The following DPP6 variants were observed in gnomAD, a reference collection of about 807,000 sequenced individuals.
The protein encoded by DPP6 is dipeptidyl peptidase like 6.
A neutral mutation model predicts 122.6 loss-of-function variants in DPP6; 69 were observed. That is an observed-to-expected ratio of 0.56 (90% CI 0.46 to 0.69). The LOEUF is 0.69. Among genes scored for constraint, DPP6 ranks in the 30% least tolerant of loss-of-function variants. DPP6 has a pLI of 0.00. For synonymous variants in DPP6, 418 were observed against 433.1 expected (o/e 0.97, Z 0.43); for missense variants, 928 against 1,116.9 (o/e 0.83, Z 2.41).
intron 1 of DPP6, among the ~76,000 whole-genome samples, chr7:154,047,165 A>G (rs1040610420): frequency 6.6e-6 from 1 of 151,300 alleles, no homozygotes; most frequent in Admixed American, 6.6e-5. Flanking sequence ...AGTCAGTTCT[A>G]AGGCTGACCA....
chr7:154,187,734 C>T (rs532363915), intron 1 of DPP6, among the ~76,000 whole-genome samples: 1 of 152,182 alleles, frequency 6.6e-6, no homozygotes, highest in African/African-American at 2.4e-5. Context: ...ACTTCTCCTC[C>T]CTAAGCTTCA....
rs35197365 is a variant in DPP6, at chr7:154,550,748, C to CT, written c.552+10141dup. 7.2e-3 allele frequency among the ~76,000 whole-genome samples: 917 copies of CT among 126,806 alleles called. 5 individuals carry two copies. Among genetic ancestry groups the CT allele is most frequent in the African/African-American group, 0.017 (578 of 34,852 alleles). 83.2% of individuals were successfully genotyped at this position (126,806 alleles called of 152,430 possible). A position where few individuals can be genotyped will look rare whatever the true frequency, so the allele number is the denominator to read the frequency against. On this transcript the variant is annotated intron_variant, in intron 4 of 25. Transcript: ENST00000377770. The stretch of plus-strand genomic sequence containing the variant: ...CAGCTTTCATTTTAGAATTTTAGTT[C>CT]TTTTTTTTTTTTTTTTTTTGAGACG...
intron 3 of DPP6, among the ~76,000 whole-genome samples, chr7:154,480,309 A>T (rs1260026386): frequency 1.3e-5 from 2 of 151,634 alleles, no homozygotes; most frequent in Non-Finnish European, 2.9e-5. Flanking sequence ...ATCTCCAGGT[A>T]CTCTTCTTCC....
chr7:154,802,204 A>T (rs533504096), intron 13 of DPP6, among the ~76,000 whole-genome samples: 204 of 152,142 alleles, frequency 1.3e-3, no homozygotes, highest in Non-Finnish European at 2.6e-3. Context: ...TAAATGAATG[A>T]AATTTGATTA....
chr7:154,693,804 T>A (rs1840064422), intron 7 of DPP6, among the ~76,000 whole-genome samples: 1 of 152,162 alleles, frequency 6.6e-6, no homozygotes, highest in Non-Finnish European at 1.5e-5. Flanking sequence ...CCTGCCATAG[T>A]CATGTGGCTC....
intron 1 of DPP6, among the ~76,000 whole-genome samples, chr7:154,169,332 G>A (rs1158219561): frequency 2.0e-5 from 3 of 152,126 alleles, no homozygotes; most frequent in Non-Finnish European, 4.4e-5. Context: ...GGTGGTGGGC[G>A]GGGTGGGGTC....
At chr7:154,152,950 G>A (rs1796496872) in intron 1 of DPP6, among the ~76,000 whole-genome samples, 1 of 152,202 alleles carries the variant, frequency 6.6e-6, no homozygotes, top group African/African-American at 2.4e-5. Context: ...TTCTTTACCT[G>A]ACAGTCCCAT....
chr7:154,341,761 A>G (rs1325285915), intron 1 of DPP6, among the ~76,000 whole-genome samples: 2 of 151,832 alleles, frequency 1.3e-5, no homozygotes, highest in Non-Finnish European at 2.9e-5. Context: ...ACCCATTTTT[A>G]TGTTCCAGGT....
At chr7:154,535,622 T>TA (rs1828185022) in intron 3 of DPP6, among the ~76,000 whole-genome samples, 2 of 151,116 alleles carry the variant, frequency 1.3e-5, no homozygotes, top group African/African-American at 4.9e-5. Context: ...TAAAGAATTT[T>TA]AAAAAATACA....
At chr7:154,677,264 T>C (rs1221633242) in intron 7 of DPP6, among the ~76,000 whole-genome samples, 1 of 152,150 alleles carries the variant, frequency 6.6e-6, no homozygotes, top group African/African-American at 2.4e-5. Flanking sequence ...CGAGAGAGCG[T>C]GAGCCTTCCT....
chr7:154,311,920 A>C (rs548561236), intron 1 of DPP6, among the ~76,000 whole-genome samples: 74 of 152,352 alleles, frequency 4.9e-4, no homozygotes, highest in Non-Finnish European at 5.6e-4. Flanking sequence ...GTCATGCAGT[A>C]CTTTCCTGAG....
chr7:154,446,664 GA>G (rs1328869500), intron 2 of DPP6, among the ~76,000 whole-genome samples: 2 of 152,152 alleles, frequency 1.3e-5, no homozygotes, highest in African/African-American at 4.8e-5. Context: ...TATCAAGGGT[GA>G]ATTAAGAAAA....
intron 1 of DPP6, among the ~76,000 whole-genome samples, chr7:154,000,589 C>T (rs1324824479): frequency 6.6e-6 from 1 of 152,192 alleles, no homozygotes; most frequent in East Asian, 1.9e-4. Context: ...TACAGAGGTT[C>T]CAGTCTCTAC....
At chr7:154,887,598 G>A in intron 22 of DPP6, 78 bp from the exon 23 acceptor site, 1 of 1,461,186 alleles carries the variant, frequency 6.8e-7, no homozygotes, top group Non-Finnish European at 9.6e-7. Flanking sequence ...CCGGTCCAGG[G>A]CCCTCCCTAG....
intron 1 of DPP6, among the ~76,000 whole-genome samples, chr7:153,953,815 G>A (rs994647842): frequency 2.0e-5 from 3 of 152,174 alleles, no homozygotes; most frequent in Non-Finnish European, 2.9e-5. Context: ...GTGCATGTGC[G>A]TCTACAGGCA....
intron 7 of DPP6, among the ~76,000 whole-genome samples, chr7:154,681,381 C>T (rs1301311965): frequency 1.3e-5 from 2 of 152,182 alleles, no homozygotes; most frequent in African/African-American, 4.8e-5. Context: ...TAAAGCAGGA[C>T]CAGAGTTGTA....
chr7:153,997,624 G>C (rs560167109), intron 1 of DPP6, among the ~76,000 whole-genome samples: 86 of 69,622 alleles, frequency 1.2e-3, no homozygotes, highest in Non-Finnish European at 2.2e-3. Context: ...CACCTGTTTT[G>C]TATTCAAACT....
intron 21 of DPP6, 41 bp from the exon 22 acceptor site, chr7:154,885,592 T>C (rs763942030): frequency 6.5e-7 from 1 of 1,549,788 alleles, no homozygotes; most frequent in Admixed American, 2.0e-5. Flanking sequence ...GCTGAGTTAC[T>C]GCCAGGACTC....
intron 17 of DPP6, among the ~76,000 whole-genome samples, chr7:154,867,361 C>T (rs1458980393): frequency 2.0e-5 from 3 of 152,170 alleles, no homozygotes; most frequent in Admixed American, 1.3e-4. Flanking sequence ...AAAGGTCCAG[C>T]GCATCCACAC....
Sources: gnomAD v4.1 joint callset for allele counts (sites outside exome capture counted in the v4.1 genomes callset) on GRCh38, gnomAD v4.1.1 for gene constraint, MANE v1.5 for transcripts, NCBI Gene and HGNC (gene_info 2026-07-23, HGNC 2026-07-21) for gene names.